Variants in NRXN1 observed in about 807,000 individuals in gnomAD.
NRXN1 encodes neurexin 1.
A neutral mutation model predicts 150.9 loss-of-function variants in NRXN1; 39 were observed. The ratio of observed to expected loss-of-function variants is 0.26; its 90% CI spans 0.20 to 0.34. The LOEUF (loss-of-function observed/expected upper bound fraction) is 0.34. NRXN1 is among the 10% of genes least tolerant of loss of function. The pLI, the probability that NRXN1 is intolerant of heterozygous loss-of-function variation, is 1.00. For missense variants in NRXN1, 1,815 were observed against 1,949.9 expected (o/e 0.93, Z 1.30); for synonymous variants, 924 against 757.0 (o/e 1.22, Z -3.62).
chr2:50,054,277 C>T (rs142494373), intron 20 of NRXN1, among the ~76,000 whole-genome samples: 9 of 151,970 alleles, frequency 5.9e-5, no homozygotes, highest in South Asian at 4.2e-4. Context: ...ATGTAAAAAG[C>T]GGCTTCAGGA....
intron 5 of NRXN1, chr2:50,918,515 T>C (rs1574927895): frequency 2.8e-6 from 1 of 363,310 alleles, no homozygotes; most frequent in South Asian, 1.3e-4. Flanking sequence ...AGTGCCAACA[T>C]TCGCTGATAA....
chr2:50,863,649 AAAC>A (rs1676465596), intron 5 of NRXN1, among the ~76,000 whole-genome samples: 1 of 152,026 alleles, frequency 6.6e-6, no homozygotes, highest in African/African-American at 2.4e-5. Context: ...AAATGTCTGA[AAAC>A]AATTTGTTTT....
chr2:50,651,360 C>A (rs1272004334), intron 5 of NRXN1, among the ~76,000 whole-genome samples: 1 of 151,916 alleles, frequency 6.6e-6, no homozygotes, highest in South Asian at 2.1e-4. Context: ...CACCTGTAAT[C>A]CCAGCACTTT....
At chr2:50,380,117 T>C (rs945244097) in intron 17 of NRXN1, among the ~76,000 whole-genome samples, 4 of 152,160 alleles carry the variant, frequency 2.6e-5, no homozygotes, top group African/African-American at 9.7e-5. Context: ...TATTTTTTAC[T>C]TTTCATTAAG....
chr2:50,715,281 G>A (rs1316962122), intron 5 of NRXN1, among the ~76,000 whole-genome samples: 1 of 152,142 alleles, frequency 6.6e-6, no homozygotes, highest in Non-Finnish European at 1.5e-5. Context: ...GAATGGTGAT[G>A]TGAACATGGG....
At chr2:50,856,343 A>T (rs1437410422) in intron 5 of NRXN1, among the ~76,000 whole-genome samples, 1 of 152,048 alleles carries the variant, frequency 6.6e-6, no homozygotes. Context: ...TCCTAGCTTG[A>T]AAGCAAGAGA....
intron 15 of NRXN1, among the ~76,000 whole-genome samples, chr2:50,479,767 C>CCTTT (rs2090305325): frequency 1.3e-5 from 1 of 79,866 alleles, no homozygotes; most frequent in African/African-American, 5.1e-5. Context: ...ATTTCTTTTT[C>CCTTT]TTTTTTTTTT....
At chr2:50,477,071 T>A (rs900749795) in intron 15 of NRXN1, among the ~76,000 whole-genome samples, 2 of 152,058 alleles carry the variant, frequency 1.3e-5, no homozygotes, top group African/African-American at 2.4e-5. Context: ...TAAATGTGGA[T>A]GCCAGACACA....
intron 18 of NRXN1, among the ~76,000 whole-genome samples, chr2:50,142,697 A>T (rs1181693137): frequency 1.3e-5 from 2 of 152,086 alleles, no homozygotes; most frequent in East Asian, 3.9e-4. Context: ...AATGCTAAAA[A>T]ATTTATCAGA....
Position 50,317,595 on chromosome 2 carries a change from G to T in NRXN1, c.3365-80625C>A, listed in dbSNP as rs796588796. On this transcript the variant is annotated intron_variant, in intron 17 of 22. Coordinates refer to ENST00000401669, the MANE Select transcript of NRXN1 (RefSeq NM_001330078.2). ...AAAATGAAAGAATGTACTAACAAAAGACCTTCACGAATGAAACATCTAAAT... is the reference window on the plus strand; with the variant it reads ...AAAATGAAAGAATGTACTAACAAAATACCTTCACGAATGAAACATCTAAAT... Among the ~76,000 whole-genome samples, 44 of 151,758 alleles carry T rather than the reference G, an allele frequency of 2.9e-4. 1 individual carries two copies. Among genetic ancestry groups the T allele is most frequent in the African/African-American group, 8.9e-4 (37 of 41,442 alleles).
intron 15 of NRXN1, among the ~76,000 whole-genome samples, chr2:50,493,744 G>C (rs2091398351): frequency 6.6e-6 from 1 of 152,142 alleles, no homozygotes; most frequent in African/African-American, 2.4e-5. Context: ...ACTAATTTTA[G>C]AAACTTGCTC....
chr2:50,225,934 T>G (rs1299868481), intron 18 of NRXN1, among the ~76,000 whole-genome samples: 1 of 152,008 alleles, frequency 6.6e-6, no homozygotes, highest in Admixed American at 6.6e-5. Context: ...CTCCATAATT[T>G]ATGTGATATG....
At chr2:50,517,306 A>G (rs903872986) in intron 12 of NRXN1, among the ~76,000 whole-genome samples, 2 of 152,134 alleles carry the variant, frequency 1.3e-5, no homozygotes, top group South Asian at 2.1e-4. Flanking sequence ...CTTCTCCTCA[A>G]TGAGTTTAAA....
chr2:50,818,652 G>A (rs886639561), intron 5 of NRXN1, among the ~76,000 whole-genome samples: 21 of 151,724 alleles, frequency 1.4e-4, no homozygotes, highest in Admixed American at 5.9e-4. Flanking sequence ...CAAAAGTACA[G>A]AAAAGAGGAA....
intron 17 of NRXN1, among the ~76,000 whole-genome samples, chr2:50,325,148 G>A (rs1271294529): frequency 6.6e-6 from 1 of 152,192 alleles, no homozygotes; most frequent in East Asian, 1.9e-4. Context: ...AGAAGAAACT[G>A]AGAAAGAAGA....
chr2:50,556,314 C>T (rs1331890742), intron 8 of NRXN1, among the ~76,000 whole-genome samples: 1 of 152,044 alleles, frequency 6.6e-6, no homozygotes, highest in African/African-American at 2.4e-5. Context: ...CTTTCTGAAA[C>T]AATGTGGCAC....
chr2:50,793,659 C>T (rs1706384424), intron 5 of NRXN1, among the ~76,000 whole-genome samples: 2 of 151,980 alleles, frequency 1.3e-5, no homozygotes, highest in South Asian at 4.1e-4. Flanking sequence ...TCACATTAGC[C>T]TTGGGCAGGG....
At chr2:50,965,885 G>T (rs762941753) in intron 2 of NRXN1, among the ~76,000 whole-genome samples, 1 of 151,428 alleles carries the variant, frequency 6.6e-6, no homozygotes, top group Non-Finnish European at 1.5e-5. Flanking sequence ...AAACTTACAA[G>T]ATTTTAGTTT....
At chr2:50,052,364 T>C (rs1692853239) in intron 21 of NRXN1, among the ~76,000 whole-genome samples, 1 of 152,104 alleles carries the variant, frequency 6.6e-6, no homozygotes, top group Non-Finnish European at 1.5e-5. Context: ...CCAAGGATAA[T>C]ACACAATTCT....
Sources: gnomAD v4.1 joint callset for allele counts (sites outside exome capture counted in the v4.1 genomes callset) on GRCh38, gnomAD v4.1.1 for gene constraint, MANE v1.5 for transcripts, NCBI Gene and HGNC (gene_info 2026-07-23, HGNC 2026-07-21) for gene names.